The following CASP6 variants were observed in gnomAD, a reference collection of about 807,000 sequenced individuals.
CASP6 encodes the protein caspase-6.
CASP6 carries 20 observed loss-of-function variants against 31.8 expected under a neutral mutation model. That is an observed-to-expected ratio of 0.63 (90% confidence interval 0.44 to 0.91). The LOEUF (loss-of-function observed/expected upper bound fraction) is 0.91, where lower values mean the gene tolerates loss of function less well. Among genes scored for constraint, CASP6 ranks in the 40% least tolerant of loss-of-function variants. The probability of loss-of-function intolerance (pLI) is 0.00; values close to 1 mark genes in which losing one functional copy is unlikely to be tolerated. For missense variants in CASP6, 328 were observed against 361.1 expected, an observed-to-expected ratio of 0.91 and a Z score of 0.74; for synonymous variants, 130 against 127.8, an observed-to-expected ratio of 1.02 and a Z score of -0.12.
At chr4:109,677,079 C>A in the CASP6 span, among the ~76,000 whole-genome samples, 1 of 152,226 alleles carries the variant, frequency 6.6e-6, no homozygotes, top group African/African-American at 2.4e-5. Context: ...TTTTGAGGAC[C>A]TAACCCCTGC....
the CASP6 span, among the ~76,000 whole-genome samples, chr4:109,682,373 T>C: frequency 1.2e-3 from 188 of 152,292 alleles, 1 homozygote; most frequent in Non-Finnish European, 2.0e-3. Context: ...ATCCACACTT[T>C]GTTGTTTACT....
chr4:109,687,539 C>T (rs139702688), downstream of CASP6: 111 of 1,612,560 alleles, frequency 6.9e-5, 1 homozygote, highest in African/African-American at 9.3e-4. Context: ...GAAACAGGCG[C>T]GTCATTCTCT....
chr4:109,684,910 TAAAAA>T (rs35776161), downstream of CASP6: 1 of 377,950 alleles, frequency 2.6e-6, no homozygotes, highest in African/African-American at 2.1e-5. Context: ...CCCTCATTTA[TAAAAA>T]AAACTGAATT....
At chr4:109,684,464 C>T (rs764716696), downstream of CASP6, 2 of 1,612,166 alleles carry the variant, frequency 1.2e-6, no homozygotes, top group Admixed American at 3.4e-5. Flanking sequence ...AATAGAAGCT[C>T]ATTCGGAAGC....
At chr4:109,707,387 A>ATTT (rs570364377), upstream of CASP6, among the ~76,000 whole-genome samples, 473 of 136,334 alleles carry the variant, frequency 3.5e-3, 1 homozygote, top group African/African-American at 0.012. Context: ...TAACTCCTGG[A>ATTT]TTTTTTTTTT....
At chr4:109,670,926 C>G in the CASP6 span, among the ~76,000 whole-genome samples, 2 of 152,084 alleles carry the variant, frequency 1.3e-5, no homozygotes, top group African/African-American at 4.8e-5. Context: ...AAGAGTTGTC[C>G]ACGCTGAGCC....
rs776824639 is a variant in CASP6 at position 109,703,354 on chromosome 4, A to C, written c.40+2T>G. 3 of 1,609,014 alleles carry C rather than the reference A, an allele frequency of 1.9e-6. No homozygotes were observed. The highest frequency in any genetic ancestry group is 2.5e-6 in the Non-Finnish European group (3 of 1,178,198). On this transcript the variant is annotated splice_donor_variant, in intron 1 of 6. Transcript: ENST00000265164. LOFTEE classifies it high-confidence loss of function. ...GGTGCCCAGTCGACGCCCCCTGCCT[A>C]CCTGCCGGGTGCCCCCTGCGGAGCC... is the stretch of plus-strand genomic sequence containing the variant.
chr4:109,675,960 G>T, the CASP6 span, among the ~76,000 whole-genome samples: 1 of 152,186 alleles, frequency 6.6e-6, no homozygotes, highest in African/African-American at 2.4e-5. Flanking sequence ...TTCCTAAGTT[G>T]CCCAGTCTGT....
At chr4:109,698,823 C>T (rs983097873) in intron 1 of CASP6, among the ~76,000 whole-genome samples, 1 of 152,210 alleles carries the variant, frequency 6.6e-6, no homozygotes, top group African/African-American at 2.4e-5. Context: ...AGGGCAAGGG[C>T]AAAGACTTGG....
chr4:109,698,492 G>A (rs1730320527), intron 1 of CASP6, 150 bp from the exon 2 acceptor site: 2 of 587,330 alleles, frequency 3.4e-6, no homozygotes, highest in Admixed American at 3.7e-5. Flanking sequence ...AAAAGGAAAT[G>A]AAGGGAAACT....
chr4:109,685,230 C>G, downstream of CASP6: 1 of 915,090 alleles, frequency 1.1e-6, no homozygotes, highest in Non-Finnish European at 1.7e-6. Flanking sequence ...TTGTTTTCTT[C>G]TCTCTCTCTT....
At chr4:109,695,624 C>T (rs1227996473) in intron 4 of CASP6, among the ~76,000 whole-genome samples, 5 of 151,744 alleles carry the variant, frequency 3.3e-5, no homozygotes, top group South Asian at 2.1e-4. Context: ...GGCATGGGGG[C>T]GAGCTACCTG....
upstream of CASP6, among the ~76,000 whole-genome samples, chr4:109,708,238 A>G (rs1380729985): frequency 1.3e-5 from 2 of 152,210 alleles, no homozygotes; most frequent in Non-Finnish European, 2.9e-5. Flanking sequence ...TATGCATAAA[A>G]TATTTCAGAA....
rs1234214023 is a variant in CASP6, at chr4:109,703,360, C to T, written c.36G>A (p.Pro12=). ...CAGTCGACGCCCCCTGCCTACCTGC[C>T]GGGTGCCCCCTGCGGAGCCCCGAGG... is the stretch of plus-strand genomic sequence containing the variant. ...SSASGLRRGH[P]AGGEENMTET... is the part of the protein sequence containing the mutation. The change falls in exon 1 of 7, where the codon CCG becomes CCA. Residue 12 remains proline, a synonymous_variant. Coordinates refer to ENST00000265164, the MANE Select transcript of CASP6 (RefSeq NM_001226.4). 6.2e-7 allele frequency: 1 copy of T among 1,610,224 alleles called. No individual in the cohort carries two copies. Among genetic ancestry groups the T allele is most frequent in the Non-Finnish European group, 8.5e-7 (1 of 1,178,652 alleles).
the CASP6 span, among the ~76,000 whole-genome samples, chr4:109,672,070 A>T: frequency 1.3e-5 from 2 of 151,794 alleles, no homozygotes; most frequent in African/African-American, 4.8e-5. Context: ...CTATAATCTT[A>T]TTATTAAATA....
At chr4:109,708,334 T>C (rs1241881971), upstream of CASP6, among the ~76,000 whole-genome samples, 2 of 152,240 alleles carry the variant, frequency 1.3e-5, no homozygotes, top group East Asian at 1.9e-4. Context: ...TTGGGTTAAG[T>C]GACTGTGAAG....
upstream of CASP6, among the ~76,000 whole-genome samples, chr4:109,703,864 A>G (rs180884104): frequency 5.9e-5 from 9 of 152,204 alleles, no homozygotes; most frequent in East Asian, 1.2e-3. Context: ...CGCTTAGCAG[A>G]TACTGCCTGT....
Position 109,697,988 on chromosome 4 carries a change from A to G in CASP6, c.84-220T>C, listed in dbSNP as rs5030550. On this transcript the variant is annotated intron_variant, in intron 2 of 6. Transcript: ENST00000265164. ...CCATGTGCCATCCTGACACATCCCT[A>G]ACCCTCTGCCTTGATGTCTTTCCCC... is the stretch of plus-strand genomic sequence containing the variant. 5.0e-4 allele frequency among the ~76,000 whole-genome samples: 76 copies of G among 152,294 alleles called. 1 individual carries two copies. The East Asian group carries it at 8.5e-3, about 17-fold the overall frequency.
At chr4:109,693,700 AT>A (rs1325801092) in intron 5 of CASP6, among the ~76,000 whole-genome samples, 29 of 151,116 alleles carry the variant, frequency 1.9e-4, no homozygotes, top group African/African-American at 6.1e-4. Flanking sequence ...AAAAAAAAAA[AT>A]CGTTAATGAT....
Sources: allele counts gnomAD v4.1 joint callset (sites outside exome capture counted in the v4.1 genomes callset), GRCh38; gene constraint gnomAD v4.1.1; transcripts MANE v1.5; gene names NCBI Gene and HGNC (gene_info 2026-07-23, HGNC 2026-07-21).